Variants in RBMS3 observed in about 807,000 individuals in gnomAD.
The protein encoded by RBMS3 is RNA-binding motif, single-stranded-interacting protein 3.
A neutral mutation model predicts 66.8 loss-of-function variants in RBMS3; 27 were observed. The ratio of observed to expected loss-of-function variants is 0.40; its 90% confidence interval spans 0.30 to 0.56. The LOEUF (loss-of-function observed/expected upper bound fraction) is 0.56, where lower values mean the gene tolerates loss of function less well. RBMS3 is among the 20% of genes least tolerant of loss of function. The pLI, the probability that RBMS3 is intolerant of heterozygous loss-of-function variation, is 0.40. For missense variants in RBMS3, 513 were observed against 549.5 expected, an observed-to-expected ratio of 0.93 and a Z score of 0.66; for synonymous variants, 188 against 183.0, an observed-to-expected ratio of 1.03 and a Z score of -0.22.
At chr3:29,611,648 G>T (rs2048496678) in intron 4 of RBMS3, among the ~76,000 whole-genome samples, 1 of 151,916 alleles carries the variant, frequency 6.6e-6, no homozygotes, top group South Asian at 2.1e-4. Flanking sequence ...AAGCCAGAGG[G>T]CAGGAGCTCC....
chr3:29,301,182 C>A (rs1411066076), intron 1 of RBMS3, among the ~76,000 whole-genome samples: 1 of 151,874 alleles, frequency 6.6e-6, no homozygotes, highest in African/African-American at 2.4e-5. Context: ...AGTTTTGTCA[C>A]CATGGAGGCG....
intron 10 of RBMS3, among the ~76,000 whole-genome samples, chr3:29,902,948 T>C (rs924114491): frequency 6.6e-6 from 1 of 151,820 alleles, no homozygotes; most frequent in Non-Finnish European, 1.5e-5. Flanking sequence ...CTAAGGAGGA[T>C]GAATGGGTAA....
intron 4 of RBMS3, among the ~76,000 whole-genome samples, chr3:29,717,163 A>G (rs1283486698): frequency 6.6e-6 from 1 of 152,000 alleles, no homozygotes; most frequent in Non-Finnish European, 1.5e-5. Context: ...AATAGTGATG[A>G]CAATAATACC....
At chr3:29,360,128 A>T (rs1204715041) in intron 1 of RBMS3, among the ~76,000 whole-genome samples, 2 of 151,798 alleles carry the variant, frequency 1.3e-5, no homozygotes, top group Admixed American at 6.6e-5. Flanking sequence ...AGTTCTTTTC[A>T]TTGTGATGTT....
At chr3:29,515,206 G>GT (rs2044575504) in intron 3 of RBMS3, among the ~76,000 whole-genome samples, 1 of 152,162 alleles carries the variant, frequency 6.6e-6, no homozygotes, top group African/African-American at 2.4e-5. Context: ...CAAAATGAAT[G>GT]TAAGTTTATC....
intron 4 of RBMS3, among the ~76,000 whole-genome samples, chr3:29,712,655 C>T (rs1471145351): frequency 6.6e-6 from 1 of 152,070 alleles, no homozygotes; most frequent in Non-Finnish European, 1.5e-5. Flanking sequence ...GAAGATCTGC[C>T]CTCACCAATG....
chr3:29,971,895 G>A (rs978335234), intron 12 of RBMS3, among the ~76,000 whole-genome samples: 1 of 152,010 alleles, frequency 6.6e-6, no homozygotes, highest in South Asian at 2.1e-4. Context: ...TAAAAAAAAA[G>A]TTTGAACACA....
intron 4 of RBMS3, among the ~76,000 whole-genome samples, chr3:29,714,388 G>T (rs890413771): frequency 4.6e-5 from 7 of 152,206 alleles, no homozygotes; most frequent in Non-Finnish European, 7.3e-5. Flanking sequence ...TTATAAGACA[G>T]ACCGGCTGGG....
chr3:29,705,914 CAA>C (rs1175843661), intron 4 of RBMS3, among the ~76,000 whole-genome samples: 1 of 152,158 alleles, frequency 6.6e-6, no homozygotes. Flanking sequence ...TGCCTGAAAA[CAA>C]GAGAGTATAG....
intron 4 of RBMS3, among the ~76,000 whole-genome samples, chr3:29,592,296 T>C (rs905146866): frequency 1.3e-5 from 2 of 151,756 alleles, no homozygotes; most frequent in African/African-American, 4.8e-5. Flanking sequence ...TAAGGAAGGG[T>C]GTATAATTTA....
intron 1 of RBMS3, among the ~76,000 whole-genome samples, chr3:29,397,693 T>C (rs2039617436): frequency 6.6e-6 from 1 of 152,122 alleles, no homozygotes; most frequent in African/African-American, 2.4e-5. Flanking sequence ...CCCCTCCCCC[T>C]TACAGCTCTT....
rs1265391822 is a variant in RBMS3 at position 30,007,192 on chromosome 3, A to G, written c.*3330A>G. ...TTACATTGTGTGGTAATAAACCAAA[A>G]TAAGTTTTCAATATATACAGACAAC... On this transcript the variant is annotated 3_prime_UTR_variant, in exon 15 of 15. Coordinates refer to ENST00000383767, the MANE Select transcript of RBMS3 (RefSeq NM_001003793.3). 3 of 152,114 alleles carry G rather than the reference A, an allele frequency of 2.0e-5. No homozygotes were observed. The highest frequency in any genetic ancestry group is 4.4e-5 in the Non-Finnish European group (3 of 67,964). The allele number at this position is 152,114 out of a possible 1,614,324, so 9.4% of individuals were successfully genotyped here. A position where few individuals can be genotyped will look rare whatever the true frequency, so the allele number is the denominator to read the frequency against.
chr3:29,560,653 T>C (rs773971654), intron 3 of RBMS3, among the ~76,000 whole-genome samples: 11 of 152,316 alleles, frequency 7.2e-5, no homozygotes, highest in Non-Finnish European at 1.6e-4. Context: ...TTAAAGAATG[T>C]TGTGATTTTG....
At chr3:29,768,758 T>G (rs1171552568) in intron 6 of RBMS3, among the ~76,000 whole-genome samples, 1 of 151,978 alleles carries the variant, frequency 6.6e-6, no homozygotes, top group Non-Finnish European at 1.5e-5. Flanking sequence ...AGGATAATTC[T>G]GAGTCACATT....
intron 1 of RBMS3, among the ~76,000 whole-genome samples, chr3:29,353,695 C>G (rs943314508): frequency 2.0e-5 from 3 of 151,892 alleles, no homozygotes; most frequent in Admixed American, 2.0e-4. Flanking sequence ...CTTAAGCAAC[C>G]AAAAACAACC....
chr3:29,729,080 C>T (rs1241195253), intron 4 of RBMS3, among the ~76,000 whole-genome samples: 1 of 151,796 alleles, frequency 6.6e-6, no homozygotes, highest in Non-Finnish European at 1.5e-5. Flanking sequence ...GTTTGCTGCA[C>T]CCATCAGCTT....
chr3:29,845,763 G>A (rs774326655), intron 6 of RBMS3, among the ~76,000 whole-genome samples: 2 of 152,120 alleles, frequency 1.3e-5, no homozygotes, highest in African/African-American at 2.4e-5. Context: ...TTTCAGGTTC[G>A]AATAATTCCT....
chr3:29,885,186 T>C (rs10510630), intron 8 of RBMS3, among the ~76,000 whole-genome samples: 52,451 of 151,624 alleles, frequency 0.35, 9,300 homozygotes, highest in African/African-American at 0.39. Flanking sequence ...CAATGTATGA[T>C]ATGAGACCCT....
At chr3:29,802,652 T>A (rs2057426268) in intron 6 of RBMS3, among the ~76,000 whole-genome samples, 1 of 152,208 alleles carries the variant, frequency 6.6e-6, no homozygotes, top group Non-Finnish European at 1.5e-5. Flanking sequence ...TATGCCCTAT[T>A]TATAACATGC....
Sources: gnomAD v4.1 joint callset for allele counts (sites outside exome capture counted in the v4.1 genomes callset) on GRCh38, gnomAD v4.1.1 for gene constraint, MANE v1.5 for transcripts, NCBI Gene and HGNC (gene_info 2026-07-23, HGNC 2026-07-21) for gene names.